The following AMPD1 variants were observed in gnomAD, a reference collection of about 807,000 sequenced individuals.
AMPD1 encodes AMP deaminase 1.
A neutral mutation model predicts 82.9 loss-of-function variants in AMPD1; 74 were observed. That is an observed-to-expected ratio of 0.89 (90% CI 0.74 to 1.08). AMPD1 has a LOEUF of 1.08. Among genes scored for constraint, AMPD1 ranks in the 50% least tolerant of loss-of-function variants. The pLI is 0.00. For synonymous variants in AMPD1, 333 were observed against 320.5 expected, an observed-to-expected ratio of 1.04 and a Z score of -0.42; for missense variants, 881 against 924.5, an observed-to-expected ratio of 0.95 and a Z score of 0.61.
chr1:114,684,376 A>AC lies in AMPD1; in HGVS notation c.382-13_382-12insG, dbSNP rs1467557954. 4.3e-6 allele frequency: 7 copies of AC among 1,613,518 alleles called. No individual in the cohort carries two copies. The highest frequency in any genetic ancestry group is 1.6e-4 in the Middle Eastern group (1 of 6,084). On this transcript the variant is annotated splice_polypyrimidine_tract_variant and intron_variant, in intron 4 of 15. Coordinates refer to ENST00000520113, the MANE Select transcript of AMPD1 (RefSeq NM_000036.3). ...TCTTCAACTGTAACCTGCCAAAAAAAAAAAAGTCAGCATATCAGAGTCAAT... is the reference window on the plus strand; with the variant it reads ...TCTTCAACTGTAACCTGCCAAAAAAACAAAAAGTCAGCATATCAGAGTCAAT...
At chr1:114,693,019 G>A (rs1467427645) in intron 2 of AMPD1, among the ~76,000 whole-genome samples, 1 of 151,520 alleles carries the variant, frequency 6.6e-6, no homozygotes, top group African/African-American at 2.4e-5. Context: ...CAGCTACTCG[G>A]GAGGCTGAGG....
At chr1:114,691,554 T>TACAA (rs1178466928) in intron 2 of AMPD1, among the ~76,000 whole-genome samples, 2 of 143,856 alleles carry the variant, frequency 1.4e-5, no homozygotes, top group African/African-American at 5.2e-5. Flanking sequence ...GGCGACAGAG[T>TACAA]ACAAACAAAC....
At chr1:114,693,349 A>G (rs966476054) in intron 2 of AMPD1, 87 bp downstream of exon 2, 54 of 1,331,786 alleles carry the variant, frequency 4.1e-5, no homozygotes, top group Non-Finnish European at 5.7e-5. Flanking sequence ...ACTGCTGAAA[A>G]ATAGCCATGT....
At chr1:114,695,355 G>A in intron 1 of AMPD1, 95 bp downstream of exon 1, 2 of 1,534,138 alleles carry the variant, frequency 1.3e-6, no homozygotes, top group Non-Finnish European at 1.8e-6. Context: ...CTAAATGAAT[G>A]ATCAAAGCTG....
Position 114,680,366 on chromosome 1 carries a change from A to G in AMPD1, c.660T>C (p.Asn220=), listed in dbSNP as rs942594885. Residue 220 remains asparagine, a synonymous_variant, in exon 6 of 16, where the codon AAT becomes AAC. Coordinates refer to ENST00000520113, the MANE Select transcript of AMPD1 (RefSeq NM_000036.3). ...GCTCATCTTTGCTGACTGCTGCTTC[A>G]TTAGGATAGACGTAAACTACACCGT... The part of the protein sequence containing the change: ...MKDGVVYVYP[N]EAAVSKDEPK... 1 of 1,614,204 alleles carries G rather than the reference A, an allele frequency of 6.2e-7. No homozygotes were observed. The highest frequency in any genetic ancestry group is 8.5e-7 in the Non-Finnish European group (1 of 1,180,040).
At chr1:114,675,353 G>A (rs959356374) in intron 12 of AMPD1, among the ~76,000 whole-genome samples, 177 bp downstream of exon 12, 6 of 152,034 alleles carry the variant, frequency 3.9e-5, no homozygotes, top group Non-Finnish European at 8.8e-5. Flanking sequence ...TCGAAATACC[G>A]ATTTCTGCCC....
At chr1:114,688,321 T>C (rs1658379423) in intron 3 of AMPD1, among the ~76,000 whole-genome samples, 1 of 151,992 alleles carries the variant, frequency 6.6e-6, no homozygotes, top group Non-Finnish European at 1.5e-5. Flanking sequence ...AGAGACAGGG[T>C]TTCACCGTGT....
In AMPD1 at chr1:114,677,950, T is replaced by C. The variant is rs754437089; in HGVS notation, c.1184A>G (p.Asp395Gly). The C allele has an allele frequency of 6.2e-7, 1 of 1,614,044 alleles. No homozygotes were observed. The change falls in exon 9 of 16, where the codon GAC becomes GGC. Residue 395 changes from aspartate to glycine, a missense_variant. Transcript: ENST00000520113. The stretch of plus-strand genomic sequence containing the variant: ...AAAATATTCCCCATTAATGTAATTG[T>C]CTGTCTTCAAGTAGAGGTCCCGTAG... Reference protein sequence around the residue: ...SELRDLYLKTDNYINGEYFAT... With the variant: ...SELRDLYLKTGNYINGEYFAT...
intron 13 of AMPD1, 131 bp downstream of exon 13, chr1:114,674,621 T>C (rs1657926965): frequency 8.4e-7 from 1 of 1,184,840 alleles, no homozygotes; most frequent in Non-Finnish European, 1.2e-6. Context: ...TGCACTAAAC[T>C]AAAAAATCTT....
Position 114,677,923 on chromosome 1 carries a change from G to C in AMPD1, c.1211C>G (p.Ala404Gly). ...GTTCCGCCTCACCTTGATGATAGTG[G>C]CAAAATATTCCCCATTAATGTAATT... The part of the protein sequence containing the change: ...TDNYINGEYF[A>G]TIIKEVGADL... The change falls in exon 9 of 16, where the codon GCC (alanine) becomes GGC (glycine). Residue 404 changes from alanine (A) to glycine (G), a missense_variant. By Grantham distance (60) the Ala-to-Gly change is moderately conservative. Around this residue, in one of 2 missense-constraint regions of AMPD1, gnomAD observed 783 missense variants for 786.4 expected, o/e 1.00. Transcript: ENST00000520113. 6.2e-7 allele frequency: 1 copy of C among 1,613,052 alleles called. No individual in the cohort carries two copies. The highest frequency in any genetic ancestry group is 8.5e-7 in the Non-Finnish European group (1 of 1,179,786).
In AMPD1 at chr1:114,675,954, C is replaced by T. The variant is rs1189896602; in HGVS notation, c.1438G>A (p.Glu480Lys). ...NFLPHFGKML[E>K]NIFMPVFEAT... is the part of the protein sequence containing the mutation. Reference sequence around the variant, plus strand: ...TCAAACACTGGCATGAAAATATTCTCCAGCATTTTTCCAAAATGTGGAAGG... The same window carrying T: ...TCAAACACTGGCATGAAAATATTCTTCAGCATTTTTCCAAAATGTGGAAGG... Residue 480 changes from glutamate (E) to lysine (K), a missense_variant, in exon 11 of 16, where the codon GAG becomes AAG. Around this residue, in one of 2 missense-constraint regions of AMPD1, gnomAD observed 783 missense variants for 786.4 expected, o/e 1.00. Transcript: ENST00000520113. 6.2e-7 allele frequency: 1 copy of T among 1,614,068 alleles called. No homozygotes were observed. Among genetic ancestry groups the T allele is most frequent in the Admixed American group, 1.7e-5 (1 of 60,024 alleles).
chr1:114,686,793 G>C lies in AMPD1; in HGVS notation c.333C>G (p.Thr111=), dbSNP rs138479739. Residue 111 remains threonine (T), a synonymous_variant, in exon 4 of 16, where the codon ACC becomes ACG. Transcript: ENST00000520113. Reference sequence around the variant, plus strand: ...TCTGCACTCTCTGAAAATCAGGCACGGTCTGGTAGGTTGGAGATGAGGAAA... The same window carrying C: ...TCTGCACTCTCTGAAAATCAGGCACCGTCTGGTAGGTTGGAGATGAGGAAA... ...EYISSSPTYQ[T]VPDFQRVQIT... is the part of the protein sequence containing the mutation. The C allele has an allele frequency of 1.2e-6, 2 of 1,614,040 alleles. No homozygotes were observed. Among genetic ancestry groups the C allele is most frequent in the African/African-American group, 1.3e-5 (1 of 74,922 alleles).
chr1:114,689,935 T>C (rs1224055000), intron 2 of AMPD1, among the ~76,000 whole-genome samples: 1 of 152,204 alleles, frequency 6.6e-6, no homozygotes, highest in Non-Finnish European at 1.5e-5. Context: ...TGAATAATTA[T>C]TACCTCTAAT....
chr1:114,688,052 G>A (rs964630635), intron 3 of AMPD1, among the ~76,000 whole-genome samples: 1 of 152,126 alleles, frequency 6.6e-6, no homozygotes, highest in Non-Finnish European at 1.5e-5. Context: ...GACGAGATAG[G>A]AGGCCCACTG....
intron 5 of AMPD1, among the ~76,000 whole-genome samples, chr1:114,682,718 A>G (rs951468505): frequency 3.3e-5 from 5 of 151,978 alleles, no homozygotes; most frequent in Non-Finnish European, 4.4e-5. Context: ...AGCTGGGACT[A>G]CAGGCGCCCG....
At position 114,675,710 on chromosome 1, in the gene AMPD1, G is replaced by A; in HGVS notation, c.1516-17C>T. 1 of 1,614,068 alleles carries A rather than the reference G, an allele frequency of 6.2e-7. No homozygotes were observed. Among genetic ancestry groups the A allele is most frequent in the Non-Finnish European group, 8.5e-7 (1 of 1,180,018 alleles). On this transcript the variant is annotated splice_polypyrimidine_tract_variant and intron_variant, in intron 11 of 15. Transcript: ENST00000520113. ...GCCAGTGATCTGTTAGGAAAAGTGAGCCATGCAATGGGTTCAGTCCAACTT... is the reference window on the plus strand; with the variant it reads ...GCCAGTGATCTGTTAGGAAAAGTGAACCATGCAATGGGTTCAGTCCAACTT...
chr1:114,678,367 T>A lies in AMPD1; in HGVS notation c.1058A>T (p.Tyr353Phe). Residue 353 changes from tyrosine (Y) to phenylalanine (F), a missense_variant, in exon 8 of 16, where the codon TAT becomes TTT. By Grantham distance (22) the Tyr-to-Phe change is conservative. Transcript: ENST00000520113. ...ELFAKLKMHP[Y>F]DLTVDSLDVH... ...ATCCAGAGAATCAACAGTCAGGTCATAAGGATGCATTTTTAATTTAGCAAA... is the reference window on the plus strand; with the variant it reads ...ATCCAGAGAATCAACAGTCAGGTCAAAAGGATGCATTTTTAATTTAGCAAA... The A allele has an allele frequency of 6.2e-7, 1 of 1,614,212 alleles. No homozygotes were observed.
chr1:114,685,520 C>T (rs1658287725), intron 4 of AMPD1, among the ~76,000 whole-genome samples: 1 of 152,092 alleles, frequency 6.6e-6, no homozygotes, highest in South Asian at 2.1e-4. Context: ...GCTCAGCAGC[C>T]CAGCCACATT....
chr1:114,689,025 G>A lies in AMPD1; in HGVS notation c.35-284C>T, dbSNP rs149211990. ...ATGAGACCGGGCTGTTGTAGGACTA[G>A]CACCTCAGTAAGATCACCTGTTTCT... On this transcript the variant is annotated intron_variant, in intron 2 of 15. Transcript: ENST00000520113. The A allele has an allele frequency of 1.8e-4, 113 of 644,390 alleles. No individual in the cohort carries two copies. The African/African-American group carries it at 1.8e-3, about 10-fold the overall frequency. The allele number at this position is 644,390 out of a possible 1,614,324, so 39.9% of individuals were successfully genotyped here.
Sources: allele counts gnomAD v4.1 joint callset (sites outside exome capture counted in the v4.1 genomes callset), GRCh38; gene constraint gnomAD v4.1.1; regional missense constraint gnomAD v4.1.1; transcripts MANE v1.5; gene names NCBI Gene and HGNC (gene_info 2026-07-23, HGNC 2026-07-21).